Variants in SGSM2 observed in about 807,000 individuals in gnomAD.
The protein encoded by SGSM2 is small G protein signaling modulator 2.
SGSM2 carries 89 observed loss-of-function variants against 126.6 expected under a neutral mutation model. That is an observed-to-expected ratio of 0.70 (90% confidence interval 0.59 to 0.84). The LOEUF (loss-of-function observed/expected upper bound fraction) is 0.84. SGSM2 is among the 40% of genes least tolerant of loss of function. The pLI is 0.00. For synonymous variants in SGSM2, 614 were observed against 574.3 expected (o/e 1.07, Z -0.99); for missense variants, 1,404 against 1,416.6 (o/e 0.99, Z 0.14).
chr17:2,349,975 C>G (rs1033256653), intron 2 of SGSM2, among the ~76,000 whole-genome samples: 8 of 151,840 alleles, frequency 5.3e-5, no homozygotes, highest in African/African-American at 7.3e-5. Context: ...TTTTAGTAGA[C>G]ATGGGGTTTC....
Position 2,358,877 on chromosome 17 carries a change from T to TTG in SGSM2, c.134-2759_134-2758insGT, listed in dbSNP as rs71847960. ...CTCTTTTTTGTTGTTGTTGTTGTTTTTTTTTTTTTTTTTTTTTGAGACAAA... is the reference window on the plus strand; with the variant it reads ...CTCTTTTTTGTTGTTGTTGTTGTTTTTGTTTTTTTTTTTTTTTTTGAGACAAA... On this transcript the variant is annotated intron_variant, in intron 2 of 23. Coordinates refer to ENST00000268989, the MANE Select transcript of SGSM2 (RefSeq NM_014853.3). Among the ~76,000 whole-genome samples, 218 of 104,780 alleles carry TTG rather than the reference T, an allele frequency of 2.1e-3. 7 individuals carry two copies. The highest frequency in any genetic ancestry group is 6.9e-3 in the African/African-American group (207 of 29,880). The allele number at this position is 104,780 out of a possible 152,430, so 68.7% of individuals were successfully genotyped here. A position where few individuals can be genotyped will look rare whatever the true frequency, so the allele number is the denominator to read the frequency against.
intron 2 of SGSM2, among the ~76,000 whole-genome samples, chr17:2,347,845 G>C (rs2064670993): frequency 6.6e-6 from 1 of 152,116 alleles, no homozygotes; most frequent in South Asian, 2.1e-4. Context: ...GGTAGAGCAG[G>C]TTTCAGAGGC....
At chr17:2,354,350 GT>G (rs1034070056) in intron 2 of SGSM2, among the ~76,000 whole-genome samples, 83 of 152,226 alleles carry the variant, frequency 5.5e-4, no homozygotes, top group Non-Finnish European at 9.0e-4. Flanking sequence ...GCCCAGCCAA[GT>G]TTTTTATACT....
intron 1 of SGSM2, among the ~76,000 whole-genome samples, chr17:2,342,505 T>C (rs570981204): frequency 6.6e-6 from 1 of 152,176 alleles, no homozygotes; most frequent in South Asian, 2.1e-4. Context: ...TTAGGGGGAA[T>C]AGTGACTAGA....
chr17:2,376,303 G>GCTGCGCACTCGCTC, intron 19 of SGSM2, 42 bp downstream of exon 19: 1 of 1,610,912 alleles, frequency 6.2e-7, no homozygotes, highest in African/African-American at 1.3e-5. Context: ...GCGGGACCCT[G>GCTGCGCACTCGCTC]CCGCCAGTTA....
At chr17:2,376,643 C>T (rs113955835) in intron 19 of SGSM2, 90 bp from the exon 20 acceptor site, 34 of 1,372,808 alleles carry the variant, frequency 2.5e-5, no homozygotes, top group Non-Finnish European at 2.8e-5. Context: ...GACTTCTGGG[C>T]GGCAGGTGGC....
rs1370852207 is a variant in SGSM2, at chr17:2,375,816, CAGGCCGGAGAACTGG to C, written c.2436_2450del (p.Leu813_Glu817del). The C allele has an allele frequency of 4.5e-6, 7 of 1,558,368 alleles. No individual in the cohort carries two copies. Among genetic ancestry groups the C allele is most frequent in the Non-Finnish European group, 6.1e-6 (7 of 1,153,248 alleles). On this transcript the variant is annotated inframe_deletion, in exon 18 of 24. Transcript: ENST00000268989. ...CCAGGATCCCAGCCAGGAGAAGCCT[CAGGCCGGAGAACTGG>C]AGGCCGGAGAGGAGCTTGCGGCTGT...
In SGSM2 at chr17:2,372,933, T is replaced by C. The variant is rs1402631000; in HGVS notation, c.1789-20T>C. 1 of 1,553,956 alleles carries C rather than the reference T, an allele frequency of 6.4e-7. No individual in the cohort carries two copies. The highest frequency in any genetic ancestry group is 1.4e-5 in the African/African-American group (1 of 73,102). On this transcript the variant is annotated intron_variant, in intron 15 of 23. Coordinates refer to ENST00000268989, the MANE Select transcript of SGSM2 (RefSeq NM_014853.3). The surrounding 1 kb of genome is among the most constrained non-coding windows in gnomAD (Gnocchi z 6.0). ...GGTGACTGTGGAGGCTGCACAGTCTTGACTCCCCGGGTCCCTCAGAACTAC... is the reference window on the plus strand; with the variant it reads ...GGTGACTGTGGAGGCTGCACAGTCTCGACTCCCCGGGTCCCTCAGAACTAC...
At chr17:2,370,173 C>T (rs901560317) in intron 12 of SGSM2, among the ~76,000 whole-genome samples, 1 of 152,260 alleles carries the variant, frequency 6.6e-6, no homozygotes, top group Non-Finnish European at 1.5e-5. Flanking sequence ...GCTGACAGGA[C>T]TCCCTCAGCA....
chr17:2,338,774 A>AATATATAT lies in SGSM2; in HGVS notation c.57+1037_57+1044dup, dbSNP rs148031213. Among the ~76,000 whole-genome samples, 1,119 of 133,906 alleles carry AATATATAT rather than the reference A, an allele frequency of 8.4e-3. 29 individuals carry two copies. Among genetic ancestry groups the AATATATAT allele is most frequent in the African/African-American group, 0.028 (1,027 of 37,060 alleles). The allele number at this position is 133,906 out of a possible 152,430, so 87.8% of individuals were successfully genotyped here. A position where few individuals can be genotyped will look rare whatever the true frequency, so the allele number is the denominator to read the frequency against. The stretch of plus-strand genomic sequence containing the variant: ...CCTTGAGTCTCTATGCCGTCTCCCT[A>AATATATAT]ATATATATATATATAACCTCACGCC... On this transcript the variant is annotated intron_variant, in intron 1 of 23. Coordinates refer to ENST00000268989, the MANE Select transcript of SGSM2 (RefSeq NM_014853.3).
chr17:2,372,155 C>G lies in SGSM2; in HGVS notation c.1578-35C>G, dbSNP rs200248699. ...CTCTCTCCTCCCACCAGAGGGGCCG[C>G]AGCCCCTCCCTGCTGAGCCCGGTTG... On this transcript the variant is annotated intron_variant, in intron 13 of 23. Transcript: ENST00000268989. The surrounding 1 kb of genome is among the most constrained non-coding windows in gnomAD (Gnocchi z 6.0). 3 of 1,612,126 alleles carry G rather than the reference C, an allele frequency of 1.9e-6. No homozygotes were observed. The East Asian group carries it at 6.7e-5, about 36-fold the overall frequency.
At chr17:2,348,401 G>A (rs962168934) in intron 2 of SGSM2, among the ~76,000 whole-genome samples, 1 of 152,098 alleles carries the variant, frequency 6.6e-6, no homozygotes, top group Non-Finnish European at 1.5e-5. Context: ...AAGGAGGAGC[G>A]GGTTCCTCCT....
chr17:2,373,586 A>G (rs2151626939), intron 17 of SGSM2, 73 bp downstream of exon 17: 1 of 1,368,320 alleles, frequency 7.3e-7, no homozygotes, highest in South Asian at 1.3e-5. Flanking sequence ...GGTCCTGAGC[A>G]CCAGCCTGAC....
intron 11 of SGSM2, among the ~76,000 whole-genome samples, chr17:2,366,331 C>T (rs916923775): frequency 1.3e-5 from 2 of 152,218 alleles, no homozygotes; most frequent in Non-Finnish European, 2.9e-5. Flanking sequence ...TGCCCATAGG[C>T]TTCTCTGGGC....
chr17:2,363,187 T>C lies in SGSM2; in HGVS notation c.672+53T>C. ...CTCATCTGGGCTATGCCCATGGGCC[T>C]GTAGGGACGGGAAACCGGCCTCTCT... On this transcript the variant is annotated intron_variant, in intron 6 of 23. Transcript: ENST00000268989. This position sits in a 1 kb window ranked among gnomAD's most constrained non-coding sequence, Gnocchi z 4.2. 1 of 1,531,956 alleles carries C rather than the reference T, an allele frequency of 6.5e-7. No individual in the cohort carries two copies. Among genetic ancestry groups the C allele is most frequent in the Non-Finnish European group, 8.8e-7 (1 of 1,142,570 alleles). The allele number at this position is 1,531,956 out of a possible 1,614,324, so 94.9% of individuals were successfully genotyped here.
chr17:2,376,420 G>A (rs1004007913), intron 19 of SGSM2, 159 bp downstream of exon 19: 19 of 849,424 alleles, frequency 2.2e-5, no homozygotes, highest in South Asian at 1.4e-4. Flanking sequence ...CCCCTCCCCC[G>A]CGCCTCTTCA....
chr17:2,371,813 C>T (rs771123840), intron 13 of SGSM2: 10 of 382,144 alleles, frequency 2.6e-5, no homozygotes, highest in Admixed American at 8.9e-5. Context: ...AGCCACCTGC[C>T]GTGTGCCAGG....
intron 2 of SGSM2, among the ~76,000 whole-genome samples, chr17:2,345,929 C>A (rs928293008): frequency 1.3e-5 from 2 of 152,178 alleles, no homozygotes; most frequent in African/African-American, 4.8e-5. Context: ...GCCTGCAAAG[C>A]AGCTTCCTTG....
chr17:2,343,401 C>T (rs941769666), intron 1 of SGSM2, 144 bp from the exon 2 acceptor site: 1 of 752,874 alleles, frequency 1.3e-6, no homozygotes, highest in Non-Finnish European at 2.3e-6. Context: ...AACTTTGCTT[C>T]CCCACACCTT....
Sources: allele counts gnomAD v4.1 joint callset (sites outside exome capture counted in the v4.1 genomes callset), GRCh38; gene constraint gnomAD v4.1.1; non-coding constraint Gnocchi (gnomAD v3.1); transcripts MANE v1.5; gene names NCBI Gene and HGNC (gene_info 2026-07-23, HGNC 2026-07-21).